The following FANK1 variants were observed in gnomAD, a reference collection of about 807,000 sequenced individuals.
FANK1 encodes fibronectin type III and ankyrin repeat domains 1, also known as fibronectin type 3 and ankyrin repeat domains protein 1.
FANK1 carries 44 observed loss-of-function variants against 45.3 expected under a neutral mutation model. The observed-to-expected ratio is 0.97, with a 90% CI of 0.76 to 1.25. The LOEUF (loss-of-function observed/expected upper bound fraction) is 1.25. FANK1 is among the 50% of genes most tolerant of loss of function. FANK1 has a pLI of 0.00. For synonymous variants in FANK1, 149 were observed against 152.5 expected (o/e 0.98, Z 0.17); for missense variants, 391 against 424.4 (o/e 0.92, Z 0.69).
chr10:125,904,294 A>C (rs1945297081), intron 1 of FANK1, among the ~76,000 whole-genome samples: 1 of 152,294 alleles, frequency 6.6e-6, no homozygotes, highest in African/African-American at 2.4e-5. Flanking sequence ...CAAACCAAAC[A>C]TAAGAAGTAT....
At chr10:125,965,417 A>G (rs1950155251) in intron 1 of FANK1, among the ~76,000 whole-genome samples, 1 of 152,226 alleles carries the variant, frequency 6.6e-6, no homozygotes, top group Non-Finnish European at 1.5e-5. Flanking sequence ...TCTAAAGAAT[A>G]TATATATAAC....
intron 1 of FANK1, among the ~76,000 whole-genome samples, chr10:125,936,188 C>CT (rs2134147777): frequency 6.6e-6 from 1 of 152,256 alleles, no homozygotes; most frequent in East Asian, 1.9e-4. Context: ...TAATTTTGAC[C>CT]TAATAGCTTG....
intron 6 of FANK1, among the ~76,000 whole-genome samples, chr10:125,999,623 C>T (rs1166884964): frequency 6.6e-6 from 1 of 152,074 alleles, no homozygotes; most frequent in Admixed American, 6.6e-5. Flanking sequence ...AGTAGTGAAG[C>T]CCAGGAGAGT....
In FANK1 at chr10:125,959,208, C is replaced by T. The variant is rs368143553; in HGVS notation, c.14-20953C>T. On this transcript the variant is annotated intron_variant, in intron 1 of 10. Coordinates refer to ENST00000368693, the MANE Select transcript of FANK1 (RefSeq NM_145235.5). ...GGTCAGGAGTTCGAGACCAGCCTGG[C>T]CAACATGGTAAAACCCTGCCTCTAC... 3.0e-4 allele frequency among the ~76,000 whole-genome samples: 46 copies of T among 151,440 alleles called. No homozygotes were observed. The South Asian group carries it at 9.2e-3, about 30-fold the overall frequency.
At chr10:125,902,134 A>G (rs1433412851) in intron 1 of FANK1, among the ~76,000 whole-genome samples, 1 of 152,164 alleles carries the variant, frequency 6.6e-6, no homozygotes, top group African/African-American at 2.4e-5. Context: ...GGAGGGAGGG[A>G]TAGCGTTAGG....
rs116737503 is a variant in FANK1 at position 125,995,555 on chromosome 10, T to C, written c.398+57T>C. ...CCCATGCCTATAAAGTGCATAGAAA[T>C]ACATGCAGTAGTTTCATTTTGTTTT... On this transcript the variant is annotated intron_variant, in intron 4 of 10. Transcript: ENST00000368693. The C allele has an allele frequency of 9.3e-4, 1,388 of 1,492,330 alleles. 5 individuals carry two copies. The African/African-American group carries it at 0.017, about 18-fold the overall frequency. The allele number at this position is 1,492,330 out of a possible 1,614,324, so 92.4% of individuals were successfully genotyped here. A position where few individuals can be genotyped will look rare whatever the true frequency, so the allele number is the denominator to read the frequency against.
At chr10:125,984,170 C>T (rs978624460) in intron 2 of FANK1, among the ~76,000 whole-genome samples, 4 of 152,112 alleles carry the variant, frequency 2.6e-5, no homozygotes, top group Non-Finnish European at 5.9e-5. Flanking sequence ...CAGTGATTCC[C>T]TCCTACACAC....
intron 1 of FANK1, among the ~76,000 whole-genome samples, chr10:125,951,292 C>G (rs899137845): frequency 6.6e-6 from 1 of 151,328 alleles, no homozygotes; most frequent in Admixed American, 6.6e-5. Flanking sequence ...AATAGACTGG[C>G]CAAGATCTTA....
intron 1 of FANK1, among the ~76,000 whole-genome samples, chr10:125,940,707 A>C (rs117219715): frequency 0.018 from 2,747 of 152,204 alleles, 47 homozygotes; most frequent in Non-Finnish European, 0.03. Context: ...GCACGAGGCC[A>C]TATCTCAGGC....
At chr10:125,958,688 G>A (rs1949732131) in intron 1 of FANK1, among the ~76,000 whole-genome samples, 1 of 151,996 alleles carries the variant, frequency 6.6e-6, no homozygotes, top group Non-Finnish European at 1.5e-5. Flanking sequence ...CCTCCAGTGA[G>A]GTGATACCTC....
chr10:125,918,953 G>A (rs1368297442), intron 1 of FANK1, among the ~76,000 whole-genome samples: 2 of 151,972 alleles, frequency 1.3e-5, no homozygotes, highest in Non-Finnish European at 2.9e-5. Context: ...GACTGGTTCA[G>A]TCTACATATA....
chr10:125,926,688 T>C (rs1014636554), intron 1 of FANK1, among the ~76,000 whole-genome samples: 39 of 152,336 alleles, frequency 2.6e-4, no homozygotes, highest in Admixed American at 7.2e-4. Flanking sequence ...TTCACGTTTG[T>C]TTAGTTTTAT....
At chr10:125,948,226 C>A (rs1948949749) in intron 1 of FANK1, among the ~76,000 whole-genome samples, 1 of 150,168 alleles carries the variant, frequency 6.7e-6, no homozygotes, top group Non-Finnish European at 1.5e-5. Context: ...AGAGCAAACA[C>A]ATTCAAAAGC....
chr10:125,932,947 A>G (rs1462641566), intron 1 of FANK1, among the ~76,000 whole-genome samples: 1 of 152,146 alleles, frequency 6.6e-6, no homozygotes, highest in Non-Finnish European at 1.5e-5. Flanking sequence ...CATTTTCTGC[A>G]TCTATTGAGA....
At chr10:125,982,392 C>T (rs2134203883) in intron 2 of FANK1, among the ~76,000 whole-genome samples, 1 of 152,350 alleles carries the variant, frequency 6.6e-6, no homozygotes, top group East Asian at 1.9e-4. Flanking sequence ...CACTCTCACT[C>T]TGACGACAGC....
chr10:125,989,212 G>A (rs778483458), intron 3 of FANK1: 30 of 1,438,740 alleles, frequency 2.1e-5, no homozygotes, highest in Middle Eastern at 1.8e-4. Context: ...CCCTTCAGCC[G>A]GCTGAGTTTT....
intron 10 of FANK1, 27 bp from the exon 11 acceptor site, chr10:126,009,346 A>C (rs201532516): frequency 4.0e-5 from 64 of 1,613,970 alleles, no homozygotes; most frequent in Non-Finnish European, 5.3e-5. Flanking sequence ...CCTGGATTAC[A>C]TTCGCCTGTC....
chr10:125,974,510 A>G (rs1397844948), intron 1 of FANK1, among the ~76,000 whole-genome samples: 1 of 152,254 alleles, frequency 6.6e-6, no homozygotes, highest in Non-Finnish European at 1.5e-5. Flanking sequence ...TAAGAAACTT[A>G]AAGTGTAGCA....
In FANK1 at chr10:126,000,765, A is replaced by T. The variant is rs184501327; in HGVS notation, c.539+3280A>T. Among the ~76,000 whole-genome samples the T allele has an allele frequency of 5.7e-3, 870 of 152,332 alleles. 3 individuals carry two copies. The highest frequency in any genetic ancestry group is 9.0e-3 in the Admixed American group (138 of 15,300). On this transcript the variant is annotated intron_variant, in intron 6 of 10. Transcript: ENST00000368693. ...TTAAGGACATTCCAGGGAAATATTT[A>T]CAAATGTATTAGAGACAAATTACCA...
Sources: gnomAD v4.1 joint callset for allele counts (sites outside exome capture counted in the v4.1 genomes callset) on GRCh38, gnomAD v4.1.1 for gene constraint, MANE v1.5 for transcripts, NCBI Gene and HGNC (gene_info 2026-07-23, HGNC 2026-07-21) for gene names.